The following CACNG2 variants were observed in gnomAD, a reference collection of about 807,000 sequenced individuals.
CACNG2 encodes calcium voltage-gated channel auxiliary subunit gamma 2, also known as voltage-dependent calcium channel gamma-2 subunit.
A neutral mutation model predicts 25.9 loss-of-function variants in CACNG2; 3 were observed. That is an observed-to-expected ratio of 0.12 (90% CI 0.05 to 0.30). The LOEUF is 0.30. Ranked by LOEUF, CACNG2 falls within the 10% of genes least tolerant of loss-of-function variation. The pLI, the probability that CACNG2 is intolerant of heterozygous loss-of-function variation, is 1.00. For synonymous variants in CACNG2, 167 were observed against 173.3 expected (o/e 0.96, Z 0.29); for missense variants, 341 against 432.5 (o/e 0.79, Z 1.88).
In CACNG2 at chr22:36,653,984, G is replaced by C. The variant is rs746925071; in HGVS notation, c.211+48382C>G. 2.7e-3 allele frequency among the ~76,000 whole-genome samples: 145 copies of C among 53,824 alleles called. 2 individuals carry two copies. The highest frequency in any genetic ancestry group is 0.011 in the Middle Eastern group (1 of 88). The allele number at this position is 53,824 out of a possible 152,430, so 35.3% of individuals were successfully genotyped here. On this transcript the variant is annotated intron_variant, in intron 1 of 3. Transcript: ENST00000300105. ...TTTGTGTGTGTGTGTGTGTGTCTCT[G>C]TGTGTGTGTGTGTGTGTGTGTGTGT...
chr22:36,643,181 C>T (rs190120321), intron 1 of CACNG2, among the ~76,000 whole-genome samples: 111 of 146,426 alleles, frequency 7.6e-4, no homozygotes, highest in Non-Finnish European at 1.5e-3. Context: ...TTCCTTCTTT[C>T]CTTCCCTCTC....
chr22:36,680,129 C>T (rs996749874), intron 1 of CACNG2, among the ~76,000 whole-genome samples: 1 of 151,944 alleles, frequency 6.6e-6, no homozygotes, highest in Non-Finnish European at 1.5e-5. Flanking sequence ...GCTATAATTA[C>T]CACCACCATC....
At chr22:36,567,243 A>G in intron 2 of CACNG2, among the ~76,000 whole-genome samples, 1 of 152,364 alleles carries the variant, frequency 6.6e-6, no homozygotes, top group East Asian at 1.9e-4. Flanking sequence ...TCTGGTGTCT[A>G]TAATAAACAT....
chr22:36,565,175 T>C (rs1434297371), intron 3 of CACNG2, among the ~76,000 whole-genome samples: 1 of 152,182 alleles, frequency 6.6e-6, no homozygotes, highest in African/African-American at 2.4e-5. Flanking sequence ...ATAATAGATA[T>C]TGTTCATTGA....
intron 1 of CACNG2, among the ~76,000 whole-genome samples, chr22:36,648,614 C>T (rs1399073975): frequency 4.6e-5 from 7 of 152,202 alleles, no homozygotes; most frequent in Non-Finnish European, 7.3e-5. Context: ...CTCCAGGGCC[C>T]CTGAGTGAAC....
chr22:36,656,893 A>C (rs1936714649), intron 1 of CACNG2, among the ~76,000 whole-genome samples: 1 of 152,192 alleles, frequency 6.6e-6, no homozygotes, highest in Admixed American at 6.5e-5. Context: ...TCTTCTCTGC[A>C]GCACTCAGCT....
intron 1 of CACNG2, among the ~76,000 whole-genome samples, chr22:36,678,176 T>C (rs1377749427): frequency 6.6e-6 from 1 of 152,200 alleles, no homozygotes; most frequent in Non-Finnish European, 1.5e-5. Flanking sequence ...AATGATGGAA[T>C]GGTTATCTTC....
At chr22:36,633,097 G>A (rs1018920741) in intron 1 of CACNG2, among the ~76,000 whole-genome samples, 3 of 152,140 alleles carry the variant, frequency 2.0e-5, no homozygotes, top group Admixed American at 6.5e-5. Flanking sequence ...ATATCAGAGT[G>A]ACCCTCCCTA....
chr22:36,701,188 A>T (rs1937407344), intron 1 of CACNG2, among the ~76,000 whole-genome samples: 1 of 152,174 alleles, frequency 6.6e-6, no homozygotes, highest in Non-Finnish European at 1.5e-5. Context: ...TAACAGAAGC[A>T]AAACACATAA....
At chr22:36,677,817 T>C (rs1020600596) in intron 1 of CACNG2, among the ~76,000 whole-genome samples, 1 of 152,218 alleles carries the variant, frequency 6.6e-6, no homozygotes, top group Non-Finnish European at 1.5e-5. Context: ...AGGTTGTGAA[T>C]TGCACATTCC....
At chr22:36,631,737 C>CTTTTT (rs131828) in intron 1 of CACNG2, among the ~76,000 whole-genome samples, 1 of 115,410 alleles carries the variant, frequency 8.7e-6, no homozygotes, top group Admixed American at 8.9e-5. Flanking sequence ...GTGAGCAACT[C>CTTTTT]TTTTTTTTTT....
intron 2 of CACNG2, among the ~76,000 whole-genome samples, chr22:36,577,417 C>T (rs1274330562): frequency 2.0e-5 from 3 of 151,872 alleles, no homozygotes; most frequent in East Asian, 3.9e-4. Flanking sequence ...TTTGGGAGGC[C>T]GAGGCGGGTG....
chr22:36,636,512 C>T (rs1936360280), intron 1 of CACNG2, among the ~76,000 whole-genome samples: 1 of 152,178 alleles, frequency 6.6e-6, no homozygotes, highest in African/African-American at 2.4e-5. Flanking sequence ...GAAATTGTCC[C>T]TGATAATGCA....
rs1402872028 is a variant in CACNG2, at chr22:36,699,964, T to C, written c.211+2402A>G. On this transcript the variant is annotated intron_variant, in intron 1 of 3. Coordinates refer to ENST00000300105, the MANE Select transcript of CACNG2 (RefSeq NM_006078.5). ...GCAAAGCTCCAATTGACAGAGGCTT[T>C]GGAAATTAAAGGCCCGGTCAAAAGC... Among the ~76,000 whole-genome samples the C allele has an allele frequency of 3.3e-5, 5 of 152,174 alleles. No individual in the cohort carries two copies. In the East Asian group the frequency reaches 9.6e-4, roughly 29 times the overall value.
At chr22:36,692,214 A>G (rs989991637) in intron 1 of CACNG2, among the ~76,000 whole-genome samples, 3 of 152,220 alleles carry the variant, frequency 2.0e-5, no homozygotes, top group South Asian at 2.1e-4. Context: ...TCTTCCTACA[A>G]CGAGGCTCCA....
chr22:36,632,014 A>C (rs1454478104), intron 1 of CACNG2, among the ~76,000 whole-genome samples: 1 of 152,154 alleles, frequency 6.6e-6, no homozygotes, highest in Non-Finnish European at 1.5e-5. Context: ...AAGTGGAGTA[A>C]TGAAAGGAAG....
intron 1 of CACNG2, among the ~76,000 whole-genome samples, chr22:36,638,796 C>T (rs975262981): frequency 1.3e-5 from 2 of 152,198 alleles, no homozygotes; most frequent in Non-Finnish European, 2.9e-5. Context: ...GTTTCACACA[C>T]AGTACATTTC....
intron 2 of CACNG2, among the ~76,000 whole-genome samples, chr22:36,577,235 G>A (rs1032695320): frequency 6.6e-6 from 1 of 152,184 alleles, no homozygotes; most frequent in African/African-American, 2.4e-5. Flanking sequence ...TCATTCCAGC[G>A]GAGCAAATTG....
intron 2 of CACNG2, among the ~76,000 whole-genome samples, chr22:36,577,332 T>C (rs1448558590): frequency 6.6e-6 from 1 of 152,062 alleles, no homozygotes; most frequent in Admixed American, 6.5e-5. Context: ...ATGAAATCGG[T>C]GTAGTGGTAG....
Sources: allele counts gnomAD v4.1 joint callset (sites outside exome capture counted in the v4.1 genomes callset), GRCh38; gene constraint gnomAD v4.1.1; transcripts MANE v1.5; gene names NCBI Gene and HGNC (gene_info 2026-07-23, HGNC 2026-07-21).